Variants in CUL4A observed in about 807,000 individuals in gnomAD.
CUL4A encodes the protein cullin 4A.
In CUL4A, 16 loss-of-function variants were observed where a neutral mutation model predicts 95.5. The observed-to-expected ratio is 0.17, with a 90% CI of 0.11 to 0.25. CUL4A has a LOEUF of 0.25. Ranked by LOEUF, CUL4A falls within the 10% of genes least tolerant of loss-of-function variation. The probability of loss-of-function intolerance (pLI) is 1.00; values close to 1 mark genes in which losing one functional copy is unlikely to be tolerated. For missense variants in CUL4A, 610 were observed against 937.0 expected, an observed-to-expected ratio of 0.65 and a Z score of 4.56; for synonymous variants, 380 against 353.1, an observed-to-expected ratio of 1.08 and a Z score of -0.85.
intron 15 of CUL4A, among the ~76,000 whole-genome samples, chr13:113,252,625 C>T (rs1430039092): frequency 6.6e-6 from 1 of 152,246 alleles, no homozygotes; most frequent in East Asian, 1.9e-4. Context: ...TGTTTGCCAT[C>T]AGCCCCTGCA....
Position 113,219,043 on chromosome 13 carries a change from T to C in CUL4A, c.363T>C (p.Phe121=). The C allele has an allele frequency of 1.9e-6, 3 of 1,594,460 alleles. No individual in the cohort carries two copies. Among genetic ancestry groups the C allele is most frequent in the Non-Finnish European group, 2.6e-6 (3 of 1,171,548 alleles). Residue 121 remains phenylalanine, a synonymous_variant, in exon 3 of 20, where the codon TTT becomes TTC. Coordinates refer to ENST00000375440, the MANE Select transcript of CUL4A (RefSeq NM_001008895.4). ...EDHVQAQILP[F]REDSLDSVLF... The stretch of plus-strand genomic sequence containing the variant: ...ACGTCCAGGCACAGATCCTTCCGTT[T>C]AGAGAATATCCTTTTTTTGGTTCAT...
At chr13:113,216,177 G>A (rs1184773019) in intron 2 of CUL4A, among the ~76,000 whole-genome samples, 19 of 151,632 alleles carry the variant, frequency 1.3e-4, no homozygotes, top group African/African-American at 3.6e-4. Flanking sequence ...TGGAGGTCAC[G>A]TCCCATGTGG....
chr13:113,240,641 T>C (rs371399987), intron 10 of CUL4A, among the ~76,000 whole-genome samples: 1 of 152,322 alleles, frequency 6.6e-6, no homozygotes, highest in Non-Finnish European at 1.5e-5. Flanking sequence ...TAACGTGTTA[T>C]TGCATAACAT....
intron 5 of CUL4A, among the ~76,000 whole-genome samples, chr13:113,230,640 C>T (rs2041276610): frequency 6.6e-6 from 1 of 152,154 alleles, no homozygotes; most frequent in Non-Finnish European, 1.5e-5. Context: ...TGTATTTAAT[C>T]CCTAGAGCAG....
At position 113,251,780 on chromosome 13, in the gene CUL4A, C is replaced by G. The variant is rs558723739; in HGVS notation, c.1639-1302C>G. ...CTTGTACAGCCTGCAGAACTGTGAG[C>G]CAATTAAACTTTCCTTCTTTATAAA... On this transcript the variant is annotated intron_variant, in intron 15 of 19. Transcript: ENST00000375440. Among the ~76,000 whole-genome samples, 3 of 152,266 alleles carry G rather than the reference C, an allele frequency of 2.0e-5. No homozygotes were observed. The South Asian group carries it at 6.2e-4, about 32-fold the overall frequency.
At chr13:113,243,797 A>C (rs2041787414) in intron 11 of CUL4A, among the ~76,000 whole-genome samples, 1 of 152,212 alleles carries the variant, frequency 6.6e-6, no homozygotes, top group East Asian at 1.9e-4. Flanking sequence ...TTCAGGAGGC[A>C]GTTTACTTTG....
intron 3 of CUL4A, 83 bp from the exon 4 acceptor site, chr13:113,227,893 G>A: frequency 1.2e-6 from 1 of 825,830 alleles, no homozygotes; most frequent in Middle Eastern, 3.6e-4. Flanking sequence ...GGGCGACAGA[G>A]CGAGACTCCA....
intron 5 of CUL4A, among the ~76,000 whole-genome samples, chr13:113,230,886 T>C (rs1328072193): frequency 6.6e-6 from 1 of 152,146 alleles, no homozygotes; most frequent in Non-Finnish European, 1.5e-5. Context: ...TCTTCCTGCG[T>C]TGGCCTCCCC....
intron 18 of CUL4A, among the ~76,000 whole-genome samples, chr13:113,260,007 C>T (rs2042226328): frequency 6.7e-6 from 1 of 148,530 alleles, no homozygotes; most frequent in African/African-American, 2.5e-5. Context: ...AGATCGAGAC[C>T]AGCCTGGCTA....
At chr13:113,228,980 T>A (rs2041210307) in intron 4 of CUL4A, among the ~76,000 whole-genome samples, 1 of 149,658 alleles carries the variant, frequency 6.7e-6, no homozygotes, top group African/African-American at 2.4e-5. Context: ...AAAAAAAAAT[T>A]AACCGGGTGG....
intron 3 of CUL4A, among the ~76,000 whole-genome samples, chr13:113,225,234 A>C (rs1254913522): frequency 6.6e-6 from 1 of 152,072 alleles, no homozygotes; most frequent in Non-Finnish European, 1.5e-5. Context: ...AGAATACACT[A>C]TTGACAGACT....
At chr13:113,247,805 A>G (rs867393649) in intron 15 of CUL4A, among the ~76,000 whole-genome samples, 3 of 152,114 alleles carry the variant, frequency 2.0e-5, no homozygotes, top group Non-Finnish European at 2.9e-5. Context: ...TCTAGTGGCT[A>G]TTTCCCAAGA....
chr13:113,221,912 G>A (rs1277573366), intron 3 of CUL4A, among the ~76,000 whole-genome samples: 1 of 152,238 alleles, frequency 6.6e-6, no homozygotes, highest in Non-Finnish European at 1.5e-5. Context: ...ATAAGCTCCT[G>A]GGACCTAAAG....
intron 2 of CUL4A, among the ~76,000 whole-genome samples, chr13:113,210,954 A>G (rs905874685): frequency 1.3e-5 from 2 of 152,246 alleles, no homozygotes; most frequent in African/African-American, 4.8e-5. Context: ...TAAGTGGATG[A>G]TGTTTTCTTA....
At chr13:113,231,824 C>T (rs909299804) in intron 5 of CUL4A, among the ~76,000 whole-genome samples, 6 of 152,074 alleles carry the variant, frequency 3.9e-5, no homozygotes, top group East Asian at 1.9e-4. Flanking sequence ...GCAGCACACG[C>T]GGGAGCAACA....
At chr13:113,224,679 C>G (rs984928835) in intron 3 of CUL4A, among the ~76,000 whole-genome samples, 1 of 152,254 alleles carries the variant, frequency 6.6e-6, no homozygotes, top group African/African-American at 2.4e-5. Flanking sequence ...ATATCGTGTA[C>G]GGAGCACTTG....
At chr13:113,241,862 G>A (rs2041721966) in intron 10 of CUL4A, among the ~76,000 whole-genome samples, 2 of 152,022 alleles carry the variant, frequency 1.3e-5, no homozygotes, top group South Asian at 4.1e-4. Flanking sequence ...TGTGTGTGAT[G>A]TGTGAGTGCA....
chr13:113,215,985 A>G (rs1422760220), intron 2 of CUL4A, among the ~76,000 whole-genome samples: 2 of 135,146 alleles, frequency 1.5e-5, no homozygotes, highest in African/African-American at 2.9e-5. Flanking sequence ...TTGGGTGACT[A>G]TGGTGGTCAC....
chr13:113,237,776 G>A (rs1009600029), intron 9 of CUL4A, among the ~76,000 whole-genome samples: 2 of 151,958 alleles, frequency 1.3e-5, no homozygotes, highest in Non-Finnish European at 2.9e-5. Context: ...TTCTGCTTTG[G>A]GTTCTACATT....
Sources: allele counts gnomAD v4.1 joint callset (sites outside exome capture counted in the v4.1 genomes callset), GRCh38; gene constraint gnomAD v4.1.1; transcripts MANE v1.5; gene names NCBI Gene and HGNC (gene_info 2026-07-23, HGNC 2026-07-21).